Variants in CAMKK1 observed in about 807,000 individuals in gnomAD.
CAMKK1 encodes the protein calcium/calmodulin dependent protein kinase kinase 1, also known as calcium/calmodulin-dependent protein kinase kinase 1.
Under a neutral mutation model 63.5 loss-of-function variants are expected in CAMKK1, and 20 were observed. That is an observed-to-expected ratio of 0.32 (90% CI 0.22 to 0.46). The LOEUF (loss-of-function observed/expected upper bound fraction) is 0.46, where lower values mean the gene tolerates loss of function less well. Among genes scored for constraint, CAMKK1 ranks in the 20% least tolerant of loss-of-function variants. The pLI is 1.00. For synonymous variants in CAMKK1, 253 were observed against 269.0 expected (o/e 0.94, Z 0.58); for missense variants, 588 against 658.1 (o/e 0.89, Z 1.17).
intron 15 of CAMKK1, chr17:3,865,246 C>T (rs1361510126): frequency 1.0e-6 from 1 of 985,636 alleles, no homozygotes; most frequent in African/African-American, 1.7e-5. Flanking sequence ...TTTTCTGGAC[C>T]CTCCTAGGAG....
rs1391372790 is a variant in CAMKK1 at position 3,866,154 on chromosome 17, A to T, written c.1342-143T>A. The T allele has an allele frequency of 1.4e-5, 14 of 984,024 alleles. No individual in the cohort carries two copies. The Admixed American group carries it at 2.9e-4, about 20-fold the overall frequency. 61.0% of individuals were successfully genotyped at this position (984,024 alleles called of 1,614,324 possible). A position where few individuals can be genotyped will look rare whatever the true frequency, so the allele number is the denominator to read the frequency against. Reference sequence around the variant, plus strand: ...CAGCACAGCATGAAATGGCAGAGGCAAGAACACGGGGCGCTGGCAGCTGGG... The same window carrying T: ...CAGCACAGCATGAAATGGCAGAGGCTAGAACACGGGGCGCTGGCAGCTGGG... On this transcript the variant is annotated intron_variant, in intron 14 of 15. Transcript: ENST00000348335.
At position 3,871,656 on chromosome 17, in the gene CAMKK1, T is replaced by G. The variant is rs940647758; in HGVS notation, c.1124+898A>C. Among the ~76,000 whole-genome samples, 4 of 148,750 alleles carry G rather than the reference T, an allele frequency of 2.7e-5. 1 individual carries two copies. Among genetic ancestry groups the G allele is most frequent in the African/African-American group, 1.0e-4 (4 of 39,586 alleles). On this transcript the variant is annotated intron_variant, in intron 12 of 15. Coordinates refer to ENST00000348335, the MANE Select transcript of CAMKK1 (RefSeq NM_032294.3). ...CAGGTGTGAGCCGCCGCACCCGGCC[T>G]TATTCAGTTTCTTTCTTCTGTTTTT...
chr17:3,891,803 C>T (rs1291884768), intron 1 of CAMKK1, among the ~76,000 whole-genome samples: 1 of 152,148 alleles, frequency 6.6e-6, no homozygotes, highest in African/African-American at 2.4e-5. Flanking sequence ...CTGGCTGGGA[C>T]TCCGGGCTTG....
chr17:3,876,731 G>A (rs1363413765), intron 9 of CAMKK1, among the ~76,000 whole-genome samples: 2 of 151,564 alleles, frequency 1.3e-5, no homozygotes, highest in African/African-American at 4.8e-5. Context: ...ACTAGGGCAG[G>A]AGAGTTGTTG....
Position 3,871,344 on chromosome 17 carries a change from TTTG to T in CAMKK1, c.1124+1207_1124+1209del, listed in dbSNP as rs1344115841. The stretch of plus-strand genomic sequence containing the variant: ...GTTTGTTGTTTTTTGTTTTTTTTTT[TTTG>T]TTTTTTTTTTTTTTTTTTTTTTTTT... On this transcript the variant is annotated intron_variant, in intron 12 of 15. Transcript: ENST00000348335. Among the ~76,000 whole-genome samples the T allele has an allele frequency of 5.3e-3, 269 of 50,308 alleles. 6 individuals are homozygous for T. Among genetic ancestry groups the T allele is most frequent in the African/African-American group, 0.023 (250 of 10,764 alleles). 33.0% of individuals were successfully genotyped at this position (50,308 alleles called of 152,430 possible).
chr17:3,883,494 G>T lies in CAMKK1; in HGVS notation c.463-14C>A. 3 of 1,610,594 alleles carry T rather than the reference G, an allele frequency of 1.9e-6. No individual in the cohort carries two copies. The highest frequency in any genetic ancestry group is 2.5e-6 in the Non-Finnish European group (3 of 1,176,802). On this transcript the variant is annotated splice_polypyrimidine_tract_variant and intron_variant, in intron 4 of 15. Coordinates refer to ENST00000348335, the MANE Select transcript of CAMKK1 (RefSeq NM_032294.3). This position sits in a 1 kb window ranked among gnomAD's most constrained non-coding sequence, Gnocchi z 4.7. ...GACTTTCATTGCCTAAGGAAGGAGG[G>T]ACAGAAATGTCACTACTGTGCAGCC...
At chr17:3,875,506 C>G (rs2055109429) in intron 10 of CAMKK1, among the ~76,000 whole-genome samples, 1 of 151,910 alleles carries the variant, frequency 6.6e-6, no homozygotes, top group Non-Finnish European at 1.5e-5. Context: ...AGGCTCATCT[C>G]AAATTCCTAG....
chr17:3,865,338 G>C, intron 15 of CAMKK1: 2 of 987,560 alleles, frequency 2.0e-6, no homozygotes, highest in South Asian at 9.3e-5. Flanking sequence ...CGGCCAGCCT[G>C]TCCCTGCTTA....
rs1398533559 is a variant in CAMKK1 at position 3,869,897 on chromosome 17, G to A, written c.1125-9C>T. The A allele has an allele frequency of 6.2e-7, 1 of 1,612,546 alleles. No homozygotes were observed. The highest frequency in any genetic ancestry group is 1.3e-5 in the African/African-American group (1 of 74,998). On this transcript the variant is annotated splice_polypyrimidine_tract_variant and intron_variant, in intron 12 of 15. Transcript: ENST00000348335. ...CCTCGCTGATTTCTGGCCTGGAGAG[G>A]GCGAAGGAAGGAGAGGAGGGTGGGA...
intron 1 of CAMKK1, among the ~76,000 whole-genome samples, chr17:3,888,658 C>A (rs919353571): frequency 6.6e-6 from 1 of 152,230 alleles, no homozygotes; most frequent in Non-Finnish European, 1.5e-5. Flanking sequence ...GCTCGGGACA[C>A]GCTGAGGCCC....
At chr17:3,868,539 T>C (rs2054677161) in intron 14 of CAMKK1, among the ~76,000 whole-genome samples, 1 of 152,210 alleles carries the variant, frequency 6.6e-6, no homozygotes, top group African/African-American at 2.4e-5. Flanking sequence ...TCCCCTGCCT[T>C]GTCCTCGGCA....
intron 9 of CAMKK1, 57 bp from the exon 10 acceptor site, chr17:3,876,479 C>T: frequency 6.8e-7 from 1 of 1,473,102 alleles, no homozygotes; most frequent in African/African-American, 1.4e-5. Context: ...GGCCAGGACC[C>T]CACACCCGTC....
Position 3,861,503 on chromosome 17 carries a change from A to G in CAMKK1, c.*708T>C, listed in dbSNP as rs1465606218. 6.6e-6 allele frequency: 1 copy of G among 152,630 alleles called. No individual in the cohort carries two copies. The highest frequency in any genetic ancestry group is 1.5e-5 in the Non-Finnish European group (1 of 68,338). 9.5% of individuals were successfully genotyped at this position (152,630 alleles called of 1,614,324 possible). ...TAACGCCGAATGCGAAACACAGTCC[A>G]GGAAAGTTAGTTCCATCCACTTGGC... On this transcript the variant is annotated 3_prime_UTR_variant, in exon 16 of 16. Coordinates refer to ENST00000348335, the MANE Select transcript of CAMKK1 (RefSeq NM_032294.3).
chr17:3,886,648 A>T (rs2055665013), intron 1 of CAMKK1, among the ~76,000 whole-genome samples: 1 of 151,976 alleles, frequency 6.6e-6, no homozygotes, highest in African/African-American at 2.4e-5. Flanking sequence ...AAGCAAGGGG[A>T]TGAGAATGAG....
rs117590204 is a variant in CAMKK1, at chr17:3,868,292, C to T, written c.1341+1195G>A. 3.8e-3 allele frequency among the ~76,000 whole-genome samples: 442 copies of T among 115,088 alleles called. 15 individuals are homozygous for T. Among genetic ancestry groups the T allele is most frequent in the Admixed American group, 0.027 (290 of 10,756 alleles). 75.5% of individuals were successfully genotyped at this position (115,088 alleles called of 152,430 possible). A position where few individuals can be genotyped will look rare whatever the true frequency, so the allele number is the denominator to read the frequency against. On this transcript the variant is annotated intron_variant, in intron 14 of 15. Coordinates refer to ENST00000348335, the MANE Select transcript of CAMKK1 (RefSeq NM_032294.3). Reference sequence around the variant, plus strand: ...GCGCCGTCTAACTGATACGTGGGCACGGGGGAGATGCAGGCACCGTCTAAC... The same window carrying T: ...GCGCCGTCTAACTGATACGTGGGCATGGGGGAGATGCAGGCACCGTCTAAC...
At position 3,880,438 on chromosome 17, in the gene CAMKK1, T is replaced by G; in HGVS notation, c.708-4A>C. On this transcript the variant is annotated splice_polypyrimidine_tract_variant and splice_region_variant and intron_variant, in intron 8 of 15. Coordinates refer to ENST00000348335, the MANE Select transcript of CAMKK1 (RefSeq NM_032294.3). ...ACAGGGCACTTCCATGACGGGCCTA[T>G]GGAGAAGGATGCGGGGAGGGGCATT... 1 of 1,612,392 alleles carries G rather than the reference T, an allele frequency of 6.2e-7. No individual in the cohort carries two copies. Among genetic ancestry groups the G allele is most frequent in the Non-Finnish European group, 8.5e-7 (1 of 1,179,186 alleles).
In CAMKK1 at chr17:3,887,636, T is replaced by C. The variant is rs1022100951; in HGVS notation, c.-43-1906A>G. Among the ~76,000 whole-genome samples, 3 of 146,400 alleles carry C rather than the reference T, an allele frequency of 2.0e-5. No homozygotes were observed. The highest frequency in any genetic ancestry group is 4.5e-5 in the Non-Finnish European group (3 of 66,696). ...GGGCTGTGGCACAGGGAGGCCTCCC[T>C]GGAGGAGGTGAGAGAGGACAGAGAG... On this transcript the variant is annotated intron_variant, in intron 1 of 15. Transcript: ENST00000348335. The surrounding 1 kb of genome is among the most constrained non-coding windows in gnomAD (Gnocchi z 6.1).
chr17:3,873,083 C>T (rs1055619940), intron 11 of CAMKK1, among the ~76,000 whole-genome samples: 2 of 152,164 alleles, frequency 1.3e-5, no homozygotes, highest in East Asian at 1.9e-4. Flanking sequence ...GACAATTTGT[C>T]GAATAAATGA....
Position 3,885,488 on chromosome 17 carries a change from C to A in CAMKK1, c.200G>T (p.Ser67Ile). ...STSRLLPARPSLSARKLSLQE... is the reference protein window; with the variant it reads ...STSRLLPARPILSARKLSLQE... ...TAGGGAAAGCTTCCTGGCTGAGAGG[C>A]TAGGCCGGGCTGGGAGCAGTCTTGA... Residue 67 changes from serine (S) to isoleucine (I), a missense_variant, in exon 2 of 16, where the codon AGC becomes ATC. Coordinates refer to ENST00000348335, the MANE Select transcript of CAMKK1 (RefSeq NM_032294.3). 6.2e-7 allele frequency: 1 copy of A among 1,613,478 alleles called. No individual in the cohort carries two copies. The highest frequency in any genetic ancestry group is 8.5e-7 in the Non-Finnish European group (1 of 1,179,922).
Sources: allele counts gnomAD v4.1 joint callset (sites outside exome capture counted in the v4.1 genomes callset), GRCh38; gene constraint gnomAD v4.1.1; non-coding constraint Gnocchi (gnomAD v3.1); transcripts MANE v1.5; gene names NCBI Gene and HGNC (gene_info 2026-07-23, HGNC 2026-07-21).